The following NPR3 variants were observed in gnomAD, a reference collection of about 807,000 sequenced individuals.
NPR3 encodes atrial natriuretic peptide receptor 3.
In NPR3, 34 loss-of-function variants were observed where a neutral mutation model predicts 54.5. The observed-to-expected ratio is 0.62, with a 90% confidence interval of 0.47 to 0.83. The LOEUF is 0.83. NPR3 is among the 40% of genes least tolerant of loss of function. The pLI is 0.00. For missense variants in NPR3, 674 were observed against 720.8 expected, an observed-to-expected ratio of 0.94 and a Z score of 0.74; for synonymous variants, 289 against 297.1, an observed-to-expected ratio of 0.97 and a Z score of 0.28.
upstream of NPR3, among the ~76,000 whole-genome samples, chr5:32,706,988 A>G (rs1738014368): frequency 6.6e-6 from 1 of 152,198 alleles, no homozygotes; most frequent in Non-Finnish European, 1.5e-5. Flanking sequence ...GTCCCCATTC[A>G]CACTCGTTTT....
chr5:32,710,856 C>CTTTTTTTTTTTTTTT, upstream of NPR3: 1 of 1,115,684 alleles, frequency 9.0e-7, no homozygotes, highest in African/African-American at 2.7e-5. Flanking sequence ...TCCCCCAGTC[C>CTTTTTTTTTTTTTTT]TGGTTTTTTT....
chr5:32,696,946 T>G (rs1170130439), intron 1 of NPR3, among the ~76,000 whole-genome samples: 1 of 152,180 alleles, frequency 6.6e-6, no homozygotes, highest in African/African-American at 2.4e-5. Flanking sequence ...ACAAGAATAA[T>G]TTGACTTCTT....
At chr5:32,694,416 C>T (rs1478663504) in intron 1 of NPR3, among the ~76,000 whole-genome samples, 1 of 152,124 alleles carries the variant, frequency 6.6e-6, no homozygotes, top group Non-Finnish European at 1.5e-5. Context: ...TTTTACCAGG[C>T]ATTGAAGGGA....
chr5:32,761,865 C>T (rs575654317), intron 3 of NPR3, among the ~76,000 whole-genome samples: 1 of 151,746 alleles, frequency 6.6e-6, no homozygotes, highest in East Asian at 1.9e-4. Context: ...CATAGGTATA[C>T]ACGTGCCATG....
intron 1 of NPR3, among the ~76,000 whole-genome samples, chr5:32,696,974 C>A (rs187666289): frequency 1.3e-5 from 2 of 152,206 alleles, no homozygotes; most frequent in Admixed American, 1.3e-4. Flanking sequence ...AGTTTAGATG[C>A]CCTTTATTTC....
chr5:32,726,585 C>T (rs1203950741), intron 2 of NPR3, among the ~76,000 whole-genome samples: 2 of 152,106 alleles, frequency 1.3e-5, no homozygotes, highest in African/African-American at 4.8e-5. Flanking sequence ...TGCAAGTTGG[C>T]AACTACAAAT....
rs13358498 is a variant in NPR3, at chr5:32,774,889, G to A, written c.1195+46G>A. ...GCAATTACATGGGGCCAAATGAGCT[G>A]CTGCTTTTCTGGTTCTGTATTTCTC... On this transcript the variant is annotated intron_variant, in intron 4 of 7. Transcript: ENST00000265074. 1.1e-3 allele frequency: 1,676 copies of A among 1,494,842 alleles called. 9 individuals carry two copies. The African/African-American group carries it at 0.02, about 18-fold the overall frequency. The allele number at this position is 1,494,842 out of a possible 1,614,324, so 92.6% of individuals were successfully genotyped here. A position where few individuals can be genotyped will look rare whatever the true frequency, so the allele number is the denominator to read the frequency against.
chr5:32,759,894 G>A (rs1201826561), intron 3 of NPR3, among the ~76,000 whole-genome samples: 1 of 152,096 alleles, frequency 6.6e-6, no homozygotes, highest in African/African-American at 2.4e-5. Flanking sequence ...TGAAATTCTG[G>A]GTTGAAAATT....
intron 3 of NPR3, among the ~76,000 whole-genome samples, chr5:32,747,385 G>C (rs1424421297): frequency 6.6e-6 from 1 of 152,014 alleles, no homozygotes; most frequent in Non-Finnish European, 1.5e-5. Flanking sequence ...GTGAAGAAAA[G>C]CTAAAAAAAT....
intron 3 of NPR3, among the ~76,000 whole-genome samples, chr5:32,740,138 C>G (rs559494198): frequency 6.6e-6 from 1 of 152,230 alleles, no homozygotes; most frequent in Non-Finnish European, 1.5e-5. Context: ...TGGCCACTTC[C>G]AAACAGGATT....
At position 32,711,996 on chromosome 5, in the gene NPR3, C is replaced by G; in HGVS notation, c.220C>G (p.Pro74Ala). 1 of 1,611,972 alleles carries G rather than the reference C, an allele frequency of 6.2e-7. No homozygotes were observed. Among genetic ancestry groups the G allele is most frequent in the Non-Finnish European group, 8.5e-7 (1 of 1,178,972 alleles). Reference protein sequence around the residue: ...SYLFSLTRVRPAIEYALRSVE... With the variant: ...SYLFSLTRVRAAIEYALRSVE... ...CTTGTTTTCACTCACCCGGGTGCGG[C>G]CGGCCATCGAGTATGCTCTGCGCAG... Residue 74 changes from proline (P) to alanine (A), a missense_variant, in exon 1 of 8, where the codon CCG (proline) becomes GCG (alanine). Physicochemically the swap from Pro to Ala is conservative, Grantham distance 27. Transcript: ENST00000265074.
chr5:32,694,703 A>G (rs1270422713), intron 1 of NPR3, among the ~76,000 whole-genome samples: 1 of 152,226 alleles, frequency 6.6e-6, no homozygotes, highest in Non-Finnish European at 1.5e-5. Flanking sequence ...TATTACACAC[A>G]ATCCAATTAT....
chr5:32,764,718 G>T (rs1333567369), intron 3 of NPR3, among the ~76,000 whole-genome samples: 6 of 147,950 alleles, frequency 4.1e-5, no homozygotes, highest in African/African-American at 1.5e-4. Context: ...AACCCAGGAG[G>T]TGGAGGTTGC....
At chr5:32,725,110 TG>T (rs1003462925) in intron 2 of NPR3, among the ~76,000 whole-genome samples, 1 of 150,224 alleles carries the variant, frequency 6.7e-6, no homozygotes, top group Non-Finnish European at 1.5e-5. Context: ...CAATAGACAC[TG>T]GGGACTTCTA....
chr5:32,719,602 G>A (rs1357871413), intron 1 of NPR3, among the ~76,000 whole-genome samples: 2 of 151,980 alleles, frequency 1.3e-5, no homozygotes, highest in African/African-American at 4.8e-5. Flanking sequence ...TACTCAATAG[G>A]CCTCTTTTAT....
rs1171711443 is a variant in NPR3 at position 32,700,400 on chromosome 5, C to CT, written c.100+11222dup. ...TCATTGTTTTTTTAAATTCTTTTTT[C>CT]TTTTTTTTCATTATACTTTGAGTTC... On this transcript the variant is annotated intron_variant, in intron 1 of 5. Coordinates refer to the NPR3 transcript ENST00000509104. 3.3e-5 allele frequency among the ~76,000 whole-genome samples: 5 copies of CT among 151,852 alleles called. 1 individual carries two copies. In the South Asian group the frequency reaches 1.0e-3, roughly 32 times the overall value.
chr5:32,790,265 C>T lies in NPR3; in HGVS notation c.*3920C>T, dbSNP rs771850617. On this transcript the variant is annotated 3_prime_UTR_variant, in exon 8 of 8. Transcript: ENST00000265074. ...GTGCCCCTTCAACAGCCATACTCAG[C>T]AAGAAGAATCAGAAGCTTGATCCTC... 5.9e-6 allele frequency: 1 copy of T among 170,242 alleles called. No individual in the cohort carries two copies. Among genetic ancestry groups the T allele is most frequent in the Admixed American group, 6.3e-5 (1 of 15,994 alleles). 10.5% of individuals were successfully genotyped at this position (170,242 alleles called of 1,614,324 possible).
At chr5:32,779,754 A>C (rs1016508521) in intron 4 of NPR3, among the ~76,000 whole-genome samples, 1 of 152,196 alleles carries the variant, frequency 6.6e-6, no homozygotes, top group African/African-American at 2.4e-5. Context: ...ATGTGGGTAC[A>C]GTTGGGTCTT....
intron 1 of NPR3, among the ~76,000 whole-genome samples, chr5:32,719,012 T>A (rs532212994): frequency 6.6e-5 from 10 of 152,110 alleles, no homozygotes; most frequent in Admixed American, 6.6e-4. Flanking sequence ...CTCTTAGTAT[T>A]TTGAGATACA....
Sources: gnomAD v4.1 joint callset for allele counts (sites outside exome capture counted in the v4.1 genomes callset) on GRCh38, gnomAD v4.1.1 for gene constraint, MANE v1.5 for transcripts, NCBI Gene and HGNC (gene_info 2026-07-23, HGNC 2026-07-21) for gene names.